The following AIG1 variants were observed in gnomAD, a reference collection of about 807,000 sequenced individuals.
AIG1 encodes the protein androgen induced 1.
AIG1 carries 23 observed loss-of-function variants against 31.4 expected under a neutral mutation model. The observed-to-expected ratio is 0.73, with a 90% CI of 0.53 to 1.04. The LOEUF (loss-of-function observed/expected upper bound fraction) is 1.04. Among genes scored for constraint, AIG1 ranks in the 50% least tolerant of loss-of-function variants. AIG1 has a pLI of 0.00. For missense variants in AIG1, 274 were observed against 295.0 expected (o/e 0.93, Z 0.52); for synonymous variants, 100 against 110.5 (o/e 0.90, Z 0.60).
chr6:143,180,333 A>G (rs1583433993), intron 3 of AIG1, among the ~76,000 whole-genome samples: 1 of 152,366 alleles, frequency 6.6e-6, no homozygotes, highest in Admixed American at 6.5e-5. Context: ...TATTTGAGAT[A>G]GAAGAAGGCA....
intron 4 of AIG1, among the ~76,000 whole-genome samples, chr6:143,320,753 A>G (rs1375489468): frequency 6.6e-6 from 1 of 152,070 alleles, no homozygotes; most frequent in African/African-American, 2.4e-5. Context: ...CTGGAGATCT[A>G]CTGTACAGCA....
intron 1 of AIG1, among the ~76,000 whole-genome samples, chr6:143,065,728 G>A (rs977455598): frequency 7.2e-5 from 11 of 152,172 alleles, no homozygotes; most frequent in Non-Finnish European, 1.3e-4. Context: ...CATTCAAAAT[G>A]ATAGGAATTT....
At chr6:143,150,663 C>G (rs536471009) in intron 2 of AIG1, among the ~76,000 whole-genome samples, 1 of 151,936 alleles carries the variant, frequency 6.6e-6, no homozygotes. Flanking sequence ...TTTGATGAAC[C>G]ACATTTGTGC....
intron 3 of AIG1, among the ~76,000 whole-genome samples, chr6:143,263,018 G>C (rs1417295743): frequency 6.6e-6 from 1 of 152,188 alleles, no homozygotes; most frequent in Non-Finnish European, 1.5e-5. Flanking sequence ...AGTAGTATTT[G>C]TTAGGGCACT....
upstream of AIG1, among the ~76,000 whole-genome samples, chr6:143,060,004 G>C (rs1240097158): frequency 3.9e-5 from 6 of 152,176 alleles, no homozygotes; most frequent in Non-Finnish European, 7.3e-5. Flanking sequence ...TTAACAACCA[G>C]ATGATTAGTA....
At chr6:143,336,883 A>T (rs555111721) in intron 5 of AIG1, among the ~76,000 whole-genome samples, 2 of 152,240 alleles carry the variant, frequency 1.3e-5, no homozygotes, top group Non-Finnish European at 2.9e-5. Context: ...GGACAGGCAT[A>T]GAATATACAT....
At chr6:143,209,787 C>G (rs1316864995) in intron 3 of AIG1, among the ~76,000 whole-genome samples, 1 of 152,212 alleles carries the variant, frequency 6.6e-6, no homozygotes, top group Admixed American at 6.5e-5. Context: ...AAAACTAGTA[C>G]AATCATACTG....
At chr6:143,199,198 A>C (rs1442133506) in intron 3 of AIG1, among the ~76,000 whole-genome samples, 1 of 152,202 alleles carries the variant, frequency 6.6e-6, no homozygotes, top group Non-Finnish European at 1.5e-5. Context: ...ATATTTGAAC[A>C]AAGACTAGAT....
chr6:143,214,755 C>T (rs185862307), intron 3 of AIG1, among the ~76,000 whole-genome samples: 15 of 152,240 alleles, frequency 9.9e-5, no homozygotes, highest in Admixed American at 3.3e-4. Context: ...TCACCTTCCT[C>T]CCCCTGCACA....
chr6:143,090,123 A>G (rs1002623687), intron 1 of AIG1, among the ~76,000 whole-genome samples: 1 of 152,206 alleles, frequency 6.6e-6, no homozygotes, highest in African/African-American at 2.4e-5. Flanking sequence ...AAGGATAGAG[A>G]GTTTAGTAAT....
intron 3 of AIG1, among the ~76,000 whole-genome samples, chr6:143,183,626 A>AATG (rs1398785045): frequency 6.6e-6 from 1 of 152,212 alleles, no homozygotes; most frequent in Admixed American, 6.5e-5. Context: ...GCTTTGTTTA[A>AATG]ATGATGAGTA....
At chr6:143,249,353 A>G (rs1487902740) in intron 3 of AIG1, among the ~76,000 whole-genome samples, 3 of 152,238 alleles carry the variant, frequency 2.0e-5, no homozygotes, top group African/African-American at 7.2e-5. Flanking sequence ...GCTGGGTTTT[A>G]AGTCCTTTCA....
intron 3 of AIG1, among the ~76,000 whole-genome samples, chr6:143,274,846 TGAA>T (rs1278191195): frequency 2.0e-5 from 3 of 152,210 alleles, no homozygotes; most frequent in Non-Finnish European, 4.4e-5. Flanking sequence ...ATGTATAAAA[TGAA>T]GAAGATAACT....
chr6:143,290,502 G>A (rs891185931), intron 4 of AIG1, among the ~76,000 whole-genome samples: 2 of 152,172 alleles, frequency 1.3e-5, no homozygotes, highest in Non-Finnish European at 2.9e-5. Context: ...CCCCTTACCA[G>A]TTGAATGCTC....
rs112689645 is a variant in AIG1 at position 143,077,854 on chromosome 6, A to G, written c.141+16788A>G. On this transcript the variant is annotated intron_variant, in intron 1 of 5. Coordinates refer to ENST00000357847, the MANE Select transcript of AIG1 (RefSeq NM_016108.4). ...ACATCCAACCATCACTTTGGCTTTG[A>G]AGCCGCCACTTAATATTAACACTTG... Among the ~76,000 whole-genome samples, 1,470 of 152,278 alleles carry G rather than the reference A, an allele frequency of 9.7e-3. 17 individuals are homozygous for G. The highest frequency in any genetic ancestry group is 0.027 in the African/African-American group (1,108 of 41,548).
intron 1 of AIG1, among the ~76,000 whole-genome samples, chr6:143,084,173 C>T (rs763169995): frequency 2.0e-5 from 3 of 152,126 alleles, no homozygotes; most frequent in Non-Finnish European, 2.9e-5. Context: ...GGCTCTGTGA[C>T]GGTGATGGTA....
intron 3 of AIG1, among the ~76,000 whole-genome samples, chr6:143,215,418 C>A (rs956222067): frequency 6.6e-6 from 1 of 152,040 alleles, no homozygotes. Context: ...TGGCCACCAA[C>A]AATAAAACAC....
chr6:143,242,213 A>G (rs1161145213), intron 3 of AIG1, among the ~76,000 whole-genome samples: 2 of 152,190 alleles, frequency 1.3e-5, no homozygotes, highest in Admixed American at 6.5e-5. Context: ...TTCAGAAACA[A>G]CAAGGGATTC....
In AIG1 at chr6:143,289,434, T is replaced by G. The variant is rs537590119; in HGVS notation, c.515+5209T>G. ...AGGAGAGGGTACAATTAGGCATGTC[T>G]AACCTGCCTTCCCCTAATGGCTGTG... On this transcript the variant is annotated intron_variant, in intron 4 of 5. Transcript: ENST00000357847. Among the ~76,000 whole-genome samples the G allele has an allele frequency of 6.1e-4, 93 of 152,294 alleles. No homozygotes were observed. The South Asian group carries it at 0.019, about 31-fold the overall frequency.
Sources: gnomAD v4.1 joint callset for allele counts (sites outside exome capture counted in the v4.1 genomes callset) on GRCh38, gnomAD v4.1.1 for gene constraint, MANE v1.5 for transcripts, NCBI Gene and HGNC (gene_info 2026-07-23, HGNC 2026-07-21) for gene names.